GRM7: variants seen among roughly 807,000 people sequenced by gnomAD.
GRM7 encodes the protein metabotropic glutamate receptor 7.
In GRM7, 35 loss-of-function variants were observed where a neutral mutation model predicts 84.5. The observed-to-expected ratio is 0.41, with a 90% CI of 0.32 to 0.55. The LOEUF is 0.55. GRM7 is among the 20% of genes least tolerant of loss of function. The pLI is 0.19. For synonymous variants in GRM7, 487 were observed against 455.1 expected, an observed-to-expected ratio of 1.07 and a Z score of -0.89; for missense variants, 1,003 against 1,194.6, an observed-to-expected ratio of 0.84 and a Z score of 2.36.
intron 7 of GRM7, chr3:7,559,461 A>C (rs1431748714): frequency 6.6e-6 from 1 of 152,080 alleles, no homozygotes; most frequent in Non-Finnish European, 1.5e-5. Context: ...GGTGCACATA[A>C]AAACCACATA....
At chr3:7,202,306 C>T (rs1696094033) in intron 2 of GRM7, among the ~76,000 whole-genome samples, 2 of 152,100 alleles carry the variant, frequency 1.3e-5, no homozygotes, top group South Asian at 4.2e-4. Context: ...ATTCAAAGCA[C>T]AAAATCTTTT....
At chr3:6,974,870 A>G (rs190187701) in intron 1 of GRM7, among the ~76,000 whole-genome samples, 183 of 152,314 alleles carry the variant, frequency 1.2e-3, no homozygotes, top group Middle Eastern at 6.8e-3. Context: ...GGAAAGAGGC[A>G]GGAATGAAAT....
chr3:7,018,229 T>G (rs1319597848), intron 1 of GRM7, among the ~76,000 whole-genome samples: 9 of 152,242 alleles, frequency 5.9e-5, no homozygotes, highest in Non-Finnish European at 1.2e-4. Flanking sequence ...ATGAAGTCTT[T>G]GAAATTCGGT....
chr3:7,538,132 G>A (rs1269401796), intron 7 of GRM7, among the ~76,000 whole-genome samples: 2 of 151,916 alleles, frequency 1.3e-5, no homozygotes, highest in Non-Finnish European at 2.9e-5. Flanking sequence ...TTTTTGAGAC[G>A]AAGTTTCAGT....
intron 4 of GRM7, among the ~76,000 whole-genome samples, chr3:7,389,186 T>G (rs1210659561): frequency 6.6e-6 from 1 of 152,192 alleles, no homozygotes; most frequent in Non-Finnish European, 1.5e-5. Flanking sequence ...TGTGTGGTTT[T>G]GAGAGTTCCT....
intron 1 of GRM7, among the ~76,000 whole-genome samples, chr3:6,983,442 G>C (rs776875528): frequency 2.5e-4 from 38 of 152,212 alleles, no homozygotes; most frequent in Non-Finnish European, 4.7e-4. Context: ...TGGGGAAAAG[G>C]GTCACTATCC....
intron 9 of GRM7, among the ~76,000 whole-genome samples, chr3:7,695,325 C>CTTTT (rs1700977107): frequency 6.6e-6 from 1 of 152,136 alleles, no homozygotes. Context: ...GTCAATATTC[C>CTTTT]TTTTTTCTGC....
At chr3:6,964,858 C>G (rs114233459) in intron 1 of GRM7, among the ~76,000 whole-genome samples, 7 of 152,328 alleles carry the variant, frequency 4.6e-5, no homozygotes, top group African/African-American at 1.7e-4. Flanking sequence ...TTCTCCCTGT[C>G]TTCTGTGTTC....
chr3:7,535,801 G>A (rs1701218986), intron 7 of GRM7, among the ~76,000 whole-genome samples: 2 of 152,192 alleles, frequency 1.3e-5, no homozygotes, highest in Admixed American at 1.3e-4. Context: ...GTCCAAAGGG[G>A]ATTTAAATCC....
chr3:7,533,110 A>T (rs979042584), intron 7 of GRM7, among the ~76,000 whole-genome samples: 2 of 152,144 alleles, frequency 1.3e-5, no homozygotes, highest in African/African-American at 4.8e-5. Context: ...TAACAAGGAT[A>T]TTCCAGACTT....
intron 8 of GRM7, among the ~76,000 whole-genome samples, chr3:7,634,880 A>G (rs1005482842): frequency 2.0e-5 from 3 of 152,190 alleles, no homozygotes; most frequent in Non-Finnish European, 2.9e-5. Context: ...TGAATATTTT[A>G]CCCACAAAAG....
intron 8 of GRM7, among the ~76,000 whole-genome samples, chr3:7,609,653 G>A (rs966699664): frequency 1.8e-4 from 28 of 152,106 alleles, no homozygotes; most frequent in Non-Finnish European, 3.2e-4. Flanking sequence ...TGAAGGCCAG[G>A]GAAGGAGATG....
chr3:7,572,340 G>T (rs58013102), intron 7 of GRM7, among the ~76,000 whole-genome samples: 1 of 152,044 alleles, frequency 6.6e-6, no homozygotes, highest in African/African-American at 2.4e-5. Flanking sequence ...ACAGGCTCTG[G>T]AATTTTTAGA....
chr3:7,642,564 C>T (rs1430515511), intron 8 of GRM7, among the ~76,000 whole-genome samples: 2 of 152,016 alleles, frequency 1.3e-5, no homozygotes, highest in Non-Finnish European at 1.5e-5. Context: ...ACAGTGGCCA[C>T]CAGGAAAGAA....
At chr3:7,126,381 A>AT (rs1693400578) in intron 1 of GRM7, among the ~76,000 whole-genome samples, 1 of 152,206 alleles carries the variant, frequency 6.6e-6, no homozygotes, top group African/African-American at 2.4e-5. Flanking sequence ...AGAGCAGTAC[A>AT]TTGAAAATCC....
At chr3:7,347,111 C>A (rs1357190565) in intron 4 of GRM7, among the ~76,000 whole-genome samples, 1 of 152,136 alleles carries the variant, frequency 6.6e-6, no homozygotes, top group African/African-American at 2.4e-5. Context: ...ACTTTTCAAT[C>A]AATCCAGGTC....
intron 8 of GRM7, among the ~76,000 whole-genome samples, chr3:7,637,396 A>G (rs971404176): frequency 6.6e-6 from 1 of 152,248 alleles, no homozygotes; most frequent in Non-Finnish European, 1.5e-5. Context: ...ACGTCAAGCC[A>G]GCCATTGAGT....
intron 7 of GRM7, chr3:7,561,419 G>T (rs908146843): frequency 1.8e-5 from 8 of 445,014 alleles, no homozygotes; most frequent in African/African-American, 4.0e-5. Context: ...TTAATACAGT[G>T]CATGGAACAC....
chr3:7,402,250 G>A (rs527500943), intron 4 of GRM7, among the ~76,000 whole-genome samples: 6 of 152,152 alleles, frequency 3.9e-5, no homozygotes, highest in African/African-American at 1.2e-4. Context: ...ATAAGGTTAC[G>A]TGCTCACTGC....
Sources: gnomAD v4.1 joint callset for allele counts (sites outside exome capture counted in the v4.1 genomes callset) on GRCh38, gnomAD v4.1.1 for gene constraint, MANE v1.5 for transcripts, NCBI Gene and HGNC (gene_info 2026-07-23, HGNC 2026-07-21) for gene names.